The following KDM4C variants were observed in gnomAD, a reference collection of about 807,000 sequenced individuals.
KDM4C encodes the protein lysine demethylase 4C.
Under a neutral mutation model 129.3 loss-of-function variants are expected in KDM4C, and 81 were observed. The observed-to-expected ratio is 0.63, with a 90% CI of 0.52 to 0.75. The LOEUF is 0.75. KDM4C is among the 30% of genes least tolerant of loss of function. The pLI is 0.00. For missense variants in KDM4C, 1,457 were observed against 1,304.0 expected (o/e 1.12, Z -1.81); for synonymous variants, 573 against 456.1 (o/e 1.26, Z -3.26).
At chr9:6,847,415 T>C (rs746848807) in intron 4 of KDM4C, among the ~76,000 whole-genome samples, 1 of 152,256 alleles carries the variant, frequency 6.6e-6, no homozygotes, top group Admixed American at 6.5e-5. Context: ...TGTTTTTTTT[T>C]TGAGACGGAG....
chr9:7,123,220 G>C (rs1839688306), intron 18 of KDM4C, among the ~76,000 whole-genome samples: 1 of 152,172 alleles, frequency 6.6e-6, no homozygotes, highest in African/African-American at 2.4e-5. Flanking sequence ...TAAGCAGGAA[G>C]AAAATGGTTG....
chr9:7,043,588 A>C (rs1342405203), intron 15 of KDM4C, among the ~76,000 whole-genome samples: 1 of 152,024 alleles, frequency 6.6e-6, no homozygotes, highest in Non-Finnish European at 1.5e-5. Context: ...ACAGGTTGGC[A>C]TCTTTATGTT....
intron 17 of KDM4C, among the ~76,000 whole-genome samples, chr9:7,065,452 A>G (rs1248444173): frequency 2.0e-5 from 3 of 152,166 alleles, no homozygotes; most frequent in Admixed American, 2.0e-4. Flanking sequence ...TTGAATTTAG[A>G]AAGTCATCAG....
intron 8 of KDM4C, chr9:6,925,330 G>A: frequency 2.0e-6 from 2 of 985,410 alleles, no homozygotes; most frequent in Non-Finnish European, 2.4e-6. Context: ...GCTTTCATCA[G>A]TTGGGCGTCT....
At chr9:6,990,627 CA>C (rs1818575435) in intron 12 of KDM4C, 103 bp downstream of exon 12, 1 of 687,332 alleles carries the variant, frequency 1.5e-6, no homozygotes, top group Admixed American at 2.9e-5. Context: ...CAACAAGTAG[CA>C]AATACGTACT....
At chr9:6,728,185 A>T (rs1817203929) in intron 1 of KDM4C, among the ~76,000 whole-genome samples, 2 of 152,062 alleles carry the variant, frequency 1.3e-5, no homozygotes, top group South Asian at 4.1e-4. Flanking sequence ...ATACATAAAT[A>T]ATTGCTTCTT....
intron 8 of KDM4C, among the ~76,000 whole-genome samples, chr9:6,929,465 CTTTTTCTTTT>C (rs1198298192): frequency 8.0e-6 from 1 of 125,274 alleles, no homozygotes; most frequent in Non-Finnish European, 1.6e-5. Context: ...TCCTGTTTGA[CTTTTTCTTTT>C]TTTTTTTTTT....
rs532163302 is a variant in KDM4C, at chr9:7,111,148, T to C, written c.2610+7278T>C. On this transcript the variant is annotated intron_variant, in intron 18 of 21. Coordinates refer to ENST00000381309, the MANE Select transcript of KDM4C (RefSeq NM_015061.6). ...TTTGATGAGACAGTGGTGGGAAACATTTATTTAATACAATGTGATAAGCTG... is the reference window on the plus strand; with the variant it reads ...TTTGATGAGACAGTGGTGGGAAACACTTATTTAATACAATGTGATAAGCTG... Among the ~76,000 whole-genome samples, 85 of 152,184 alleles carry C rather than the reference T, an allele frequency of 5.6e-4. 1 individual carries two copies. The highest frequency in any genetic ancestry group is 1.0e-3 in the South Asian group (5 of 4,818).
chr9:6,994,510 C>T (rs941880381), intron 12 of KDM4C, among the ~76,000 whole-genome samples: 9 of 152,104 alleles, frequency 5.9e-5, no homozygotes, highest in Non-Finnish European at 8.8e-5. Context: ...TTTGTCTGTC[C>T]GTGTATCTGT....
In KDM4C at chr9:7,049,086, C is replaced by G; in HGVS notation, c.2316-6C>G. 6.2e-7 allele frequency: 1 copy of G among 1,601,716 alleles called. No individual in the cohort carries two copies. Among genetic ancestry groups the G allele is most frequent in the Non-Finnish European group, 8.5e-7 (1 of 1,170,048 alleles). On this transcript the variant is annotated splice_region_variant and splice_polypyrimidine_tract_variant and intron_variant, in intron 16 of 21. Transcript: ENST00000381309. ...TTGTTTATGTTTAATGTCTCCTTTC[C>G]TGTAGGTGGGCCCATGTCATGTGCG...
rs772542725 is a variant in KDM4C at position 6,733,852 on chromosome 9, G to C, written c.49+12855G>C. On this transcript the variant is annotated intron_variant, in intron 1 of 17. Transcript: ENST00000536108. ...ATGCCTCCCCTTTTTAGACCATATA[G>C]GTTAACTTCCTGATGTTGCCATAGC... Among the ~76,000 whole-genome samples the C allele has an allele frequency of 8.6e-4, 131 of 152,280 alleles. 1 individual carries two copies. The Middle Eastern group carries it at 0.017, about 20-fold the overall frequency.
At chr9:6,811,800 G>A (rs1332272160) in intron 3 of KDM4C, among the ~76,000 whole-genome samples, 1 of 152,072 alleles carries the variant, frequency 6.6e-6, no homozygotes, top group African/African-American at 2.4e-5. Flanking sequence ...TTAAACATGT[G>A]TAGCCTGGCC....
rs149783058 is a variant in KDM4C, at chr9:6,956,429, G to A, written c.922-24496G>A. On this transcript the variant is annotated intron_variant, in intron 8 of 21. Coordinates refer to ENST00000381309, the MANE Select transcript of KDM4C (RefSeq NM_015061.6). Reference sequence around the variant, plus strand: ...AATTAAAAAAAATTGTAATGTGGGTGCGGACGAAGGCTATCTTGTAATTGG... The same window carrying A: ...AATTAAAAAAAATTGTAATGTGGGTACGGACGAAGGCTATCTTGTAATTGG... 3.7e-3 allele frequency among the ~76,000 whole-genome samples: 559 copies of A among 152,282 alleles called. 1 individual carries two copies. Among genetic ancestry groups the A allele is most frequent in the African/African-American group, 0.013 (526 of 41,530 alleles).
intron 15 of KDM4C, among the ~76,000 whole-genome samples, chr9:7,017,084 C>T (rs553304896): frequency 5.2e-4 from 78 of 151,108 alleles, no homozygotes; most frequent in Admixed American, 9.9e-4. Flanking sequence ...TACAGGCATG[C>T]GCCACCATGC....
rs12350596 is a variant in KDM4C, at chr9:7,159,897, G to A, written c.2782-5341G>A. 5.1e-3 allele frequency among the ~76,000 whole-genome samples: 778 copies of A among 152,248 alleles called. 7 individuals are homozygous for A. The highest frequency in any genetic ancestry group is 0.017 in the African/African-American group (721 of 41,552). ...TGGACTCGCTTGCTAGGTTGGGGAC[G>A]TTCTCCTGGATACTATCCTGACGAG... On this transcript the variant is annotated intron_variant, in intron 19 of 21. Coordinates refer to ENST00000381309, the MANE Select transcript of KDM4C (RefSeq NM_015061.6).
At position 6,733,657 on chromosome 9, in the gene KDM4C, G is replaced by A. The variant is rs150302495; in HGVS notation, c.49+12660G>A. On this transcript the variant is annotated intron_variant, in intron 1 of 17. Coordinates refer to the KDM4C transcript ENST00000536108. ...CCAAGAGAGGGTTGTTGGATCTCGC[G>A]CAAGAAAGAGTTCAGGGAGAGTCCG... is the stretch of plus-strand genomic sequence containing the variant. Among the ~76,000 whole-genome samples the A allele has an allele frequency of 3.7e-3, 564 of 152,318 alleles. 2 individuals carry two copies. The highest frequency in any genetic ancestry group is 0.013 in the African/African-American group (542 of 41,588).
At chr9:7,087,812 A>G (rs894500460) in intron 17 of KDM4C, among the ~76,000 whole-genome samples, 12 of 152,228 alleles carry the variant, frequency 7.9e-5, no homozygotes, top group African/African-American at 2.7e-4. Context: ...TCAATATTTA[A>G]TCCACAAGAA....
At chr9:6,795,868 C>T (rs1827649545) in intron 2 of KDM4C, among the ~76,000 whole-genome samples, 1 of 151,974 alleles carries the variant, frequency 6.6e-6, no homozygotes, top group African/African-American at 2.4e-5. Flanking sequence ...GCCAAGGTTT[C>T]ACCATGTTGC....
At chr9:7,073,959 C>G (rs185179045) in intron 17 of KDM4C, among the ~76,000 whole-genome samples, 81 of 152,268 alleles carry the variant, frequency 5.3e-4, no homozygotes, top group Middle Eastern at 3.4e-3. Context: ...GATGTGGGCA[C>G]ATGGGTTTTG....
Sources: gnomAD v4.1 joint callset for allele counts (sites outside exome capture counted in the v4.1 genomes callset) on GRCh38, gnomAD v4.1.1 for gene constraint, MANE v1.5 for transcripts, NCBI Gene and HGNC (gene_info 2026-07-23, HGNC 2026-07-21) for gene names.